Variants in SCN3A observed in about 807,000 individuals in gnomAD.
SCN3A encodes the protein sodium voltage-gated channel alpha subunit 3, also known as sodium channel protein type 3 subunit alpha.
SCN3A carries 60 observed loss-of-function variants against 187.6 expected under a neutral mutation model. That is an observed-to-expected ratio of 0.32 (90% CI 0.26 to 0.40). SCN3A has a LOEUF of 0.40. SCN3A is among the 10% of genes least tolerant of loss of function. SCN3A has a pLI of 1.00. For synonymous variants in SCN3A, 788 were observed against 829.2 expected (o/e 0.95, Z 0.85); for missense variants, 1,601 against 2,428.2 (o/e 0.66, Z 7.16).
At chr2:165,101,439 C>A (rs1685599253) in intron 21 of SCN3A, among the ~76,000 whole-genome samples, 1 of 152,068 alleles carries the variant, frequency 6.6e-6, no homozygotes, top group Admixed American at 6.6e-5. Context: ...GTTAGAGCGC[C>A]ACCCCCACCC....
intron 14 of SCN3A, among the ~76,000 whole-genome samples, chr2:165,138,932 CCT>C (rs1417594918): frequency 6.6e-6 from 1 of 152,088 alleles, no homozygotes; most frequent in African/African-American, 2.4e-5. Context: ...GCTGCCTATT[CCT>C]CTGTGTCAAA....
At position 165,121,404 on chromosome 2, in the gene SCN3A, G is replaced by A. The variant is rs111232006; in HGVS notation, c.3394-5829C>T. Among the ~76,000 whole-genome samples, 605 of 152,266 alleles carry A rather than the reference G, an allele frequency of 4.0e-3. 5 individuals carry two copies. The highest frequency in any genetic ancestry group is 0.019 in the East Asian group (100 of 5,188). On this transcript the variant is annotated intron_variant, in intron 18 of 27. Coordinates refer to ENST00000283254, the MANE Select transcript of SCN3A (RefSeq NM_006922.4). The stretch of plus-strand genomic sequence containing the variant: ...ACACAGTGTAAATAATAATATGGCA[G>A]TACCATTTAATTCTATTCTGCTGGT...
intron 5 of SCN3A, among the ~76,000 whole-genome samples, chr2:165,166,318 T>C (rs994171817): frequency 2.6e-5 from 4 of 152,018 alleles, no homozygotes; most frequent in South Asian, 4.2e-4. Context: ...AAATGGTTAT[T>C]AGTAACTAGG....
chr2:165,174,710 T>TG (rs971817540), intron 3 of SCN3A, among the ~76,000 whole-genome samples: 4 of 152,192 alleles, frequency 2.6e-5, no homozygotes, highest in African/African-American at 9.6e-5. Context: ...TCCAATTTCT[T>TG]GGGGGGTGAC....
chr2:165,190,320 T>C lies in SCN3A; in HGVS notation c.-247-3573A>G, dbSNP rs185144178. On this transcript the variant is annotated intron_variant, in intron 1 of 27. Coordinates refer to ENST00000283254, the MANE Select transcript of SCN3A (RefSeq NM_006922.4). ...ATGTTAACTTAAAGTCTGAGACTTC[T>C]TTCTTTCTTTGTGTTGTATAAAATT... Among the ~76,000 whole-genome samples, 15 of 152,212 alleles carry C rather than the reference T, an allele frequency of 9.9e-5. No homozygotes were observed. The East Asian group carries it at 2.9e-3, about 29-fold the overall frequency.
At chr2:165,162,165 G>C (rs1689437851) in intron 9 of SCN3A, 143 bp downstream of exon 9, 1 of 745,366 alleles carries the variant, frequency 1.3e-6, no homozygotes, top group Admixed American at 2.7e-5. Context: ...CGGTAAGGCA[G>C]ACAAGGCACT....
At chr2:165,144,144 T>G (rs1688187101) in intron 12 of SCN3A, among the ~76,000 whole-genome samples, 2 of 152,198 alleles carry the variant, frequency 1.3e-5, no homozygotes, top group Admixed American at 1.3e-4. Context: ...ACTGTCTATC[T>G]TACGCTTCCT....
intron 22 of SCN3A, 150 bp from the exon 23 acceptor site, chr2:165,097,674 T>C: frequency 2.0e-6 from 2 of 985,098 alleles, no homozygotes; most frequent in South Asian, 3.0e-5. Context: ...TTCTAGCACA[T>C]ATTTGAAGGA....
intron 18 of SCN3A, among the ~76,000 whole-genome samples, chr2:165,127,326 G>T (rs1687055411): frequency 6.6e-6 from 1 of 152,092 alleles, no homozygotes; most frequent in Non-Finnish European, 1.5e-5. Flanking sequence ...CTCCCAAAGT[G>T]CTGGGATTAC....
intron 21 of SCN3A, among the ~76,000 whole-genome samples, chr2:165,105,236 T>G (rs1685789485): frequency 6.6e-6 from 1 of 152,084 alleles, no homozygotes; most frequent in Admixed American, 6.5e-5. Flanking sequence ...ACTTCTGGAG[T>G]AAAATCTGTA....
In SCN3A at chr2:165,096,674, A is replaced by C. The variant is rs187439221; in HGVS notation, c.4240-154T>G. 2.0e-4 allele frequency among the ~76,000 whole-genome samples: 31 copies of C among 152,284 alleles called. No individual in the cohort carries two copies. The East Asian group carries it at 5.6e-3, about 28-fold the overall frequency. ...ATTGAAATAAAATTGAAATAGAAAAACATTTGTATTTAAAGTCTGGAACTT... is the reference window on the plus strand; with the variant it reads ...ATTGAAATAAAATTGAAATAGAAAACCATTTGTATTTAAAGTCTGGAACTT... On this transcript the variant is annotated intron_variant, in intron 23 of 27. Coordinates refer to ENST00000283254, the MANE Select transcript of SCN3A (RefSeq NM_006922.4).
intron 25 of SCN3A, 61 bp from the exon 26 acceptor site, chr2:165,094,539 T>C (rs999453458): frequency 3.7e-6 from 4 of 1,085,008 alleles, no homozygotes; most frequent in Non-Finnish European, 5.7e-6. Flanking sequence ...TCACAAAAAA[T>C]ATTTGTCTTT....
At position 165,136,948 on chromosome 2, in the gene SCN3A, G is replaced by C. The variant is rs553839289; in HGVS notation, c.2391+931C>G. On this transcript the variant is annotated intron_variant, in intron 15 of 27. Coordinates refer to ENST00000283254, the MANE Select transcript of SCN3A (RefSeq NM_006922.4). ...TGTTTTCAACATGATCCCACCCTCTGCCAAGGCTGATTAAATCAGAGGTGA... is the reference window on the plus strand; with the variant it reads ...TGTTTTCAACATGATCCCACCCTCTCCCAAGGCTGATTAAATCAGAGGTGA... Among the ~76,000 whole-genome samples the C allele has an allele frequency of 1.4e-4, 22 of 152,228 alleles. No individual in the cohort carries two copies. The South Asian group carries it at 4.4e-3, about 30-fold the overall frequency.
At chr2:165,104,449 T>C (rs923954670) in intron 21 of SCN3A, among the ~76,000 whole-genome samples, 50 of 151,696 alleles carry the variant, frequency 3.3e-4, no homozygotes, top group African/African-American at 1.2e-3. Flanking sequence ...GAGCCTTACC[T>C]CACACCTTAC....
intron 18 of SCN3A, 43 bp downstream of exon 18, chr2:165,127,588 G>A: frequency 6.8e-7 from 1 of 1,460,160 alleles, no homozygotes; most frequent in Non-Finnish European, 9.6e-7. Flanking sequence ...GTAGTACATG[G>A]TTATCATAGG....
chr2:165,159,970 G>T (rs1322045607), intron 9 of SCN3A, among the ~76,000 whole-genome samples: 4 of 129,878 alleles, frequency 3.1e-5, no homozygotes, highest in Non-Finnish European at 6.2e-5. Context: ...TATCTATTAA[G>T]AATACAAAAT....
chr2:165,089,970 C>T lies in SCN3A; in HGVS notation c.*180G>A. Reference sequence around the variant, plus strand: ...GCAACCTCTTGTCAATGTTGATACCCTGCTTCACAGAGTTGCAGTGACAGA... The same window carrying T: ...GCAACCTCTTGTCAATGTTGATACCTTGCTTCACAGAGTTGCAGTGACAGA... On this transcript the variant is annotated 3_prime_UTR_variant, in exon 28 of 28. Transcript: ENST00000283254. 1.3e-6 allele frequency: 1 copy of T among 799,334 alleles called. No individual in the cohort carries two copies. Among genetic ancestry groups the T allele is most frequent in the African/African-American group, 1.7e-5 (1 of 57,488 alleles). The allele number at this position is 799,334 out of a possible 1,614,324, so 49.5% of individuals were successfully genotyped here.
intron 17 of SCN3A, among the ~76,000 whole-genome samples, chr2:165,128,802 A>ATG (rs34565727): frequency 4.1e-4 from 62 of 151,316 alleles, no homozygotes; most frequent in Admixed American, 7.2e-4. Flanking sequence ...CTTTGTGTGT[A>ATG]TGTGTGTGTG....
chr2:165,118,573 A>G (rs1187566545), intron 18 of SCN3A, among the ~76,000 whole-genome samples: 1 of 152,110 alleles, frequency 6.6e-6, no homozygotes, highest in East Asian at 1.9e-4. Context: ...AATCTGCCTC[A>G]GTCATGATTT....
Sources: allele counts gnomAD v4.1 joint callset (sites outside exome capture counted in the v4.1 genomes callset), GRCh38; gene constraint gnomAD v4.1.1; transcripts MANE v1.5; gene names NCBI Gene and HGNC (gene_info 2026-07-23, HGNC 2026-07-21).